The following ATP9A variants were observed in gnomAD, a reference collection of about 807,000 sequenced individuals.
ATP9A encodes the protein probable phospholipid-transporting ATPase IIA.
A neutral mutation model predicts 144.1 loss-of-function variants in ATP9A; 52 were observed. The ratio of observed to expected loss-of-function variants is 0.36; its 90% CI spans 0.29 to 0.45. The LOEUF is 0.45. Ranked by LOEUF, ATP9A falls within the 20% of genes least tolerant of loss-of-function variation. The probability of loss-of-function intolerance (pLI) is 1.00; values close to 1 mark genes in which losing one functional copy is unlikely to be tolerated. For missense variants in ATP9A, 947 were observed against 1,392.7 expected (o/e 0.68, Z 5.09); for synonymous variants, 582 against 557.4 (o/e 1.04, Z -0.62).
chr20:51,627,716 T>C, intron 16 of ATP9A, 33 bp from the exon 17 acceptor site: 1 of 1,580,424 alleles, frequency 6.3e-7, no homozygotes, highest in Non-Finnish European at 8.7e-7. Flanking sequence ...GTGGGAGCGG[T>C]GCTGAGAGCT....
chr20:51,615,097 G>A (rs543006700), intron 22 of ATP9A, among the ~76,000 whole-genome samples: 199 of 134,226 alleles, frequency 1.5e-3, no homozygotes, highest in Non-Finnish European at 2.1e-3. Flanking sequence ...CTGGGGGGGC[G>A]GGGCGGGGGG....
At chr20:51,690,168 C>T (rs1460778277) in intron 8 of ATP9A, among the ~76,000 whole-genome samples, 1 of 140,614 alleles carries the variant, frequency 7.1e-6, no homozygotes, top group African/African-American at 2.6e-5. Context: ...TGCCTGTAAT[C>T]CCAGCACTTT....
At chr20:51,653,005 G>A (rs1387812339) in intron 14 of ATP9A, among the ~76,000 whole-genome samples, 20 of 151,704 alleles carry the variant, frequency 1.3e-4, no homozygotes, top group African/African-American at 4.1e-4. Context: ...AGCTGCTGGG[G>A]AGACTGAGGC....
chr20:51,646,770 GAAAC>G (rs2077343906), intron 14 of ATP9A, among the ~76,000 whole-genome samples: 4 of 151,618 alleles, frequency 2.6e-5, no homozygotes, highest in African/African-American at 9.7e-5. Flanking sequence ...AACATAGCAT[GAAAC>G]AAACAAAACA....
chr20:51,717,976 AG>A (rs1384818914), intron 3 of ATP9A, among the ~76,000 whole-genome samples: 1 of 151,892 alleles, frequency 6.6e-6, no homozygotes, highest in African/African-American at 2.4e-5. Context: ...AAGAAAGAAA[AG>A]GAAAAATGTA....
chr20:51,703,878 CA>C (rs1345412023), intron 4 of ATP9A, among the ~76,000 whole-genome samples: 1 of 152,108 alleles, frequency 6.6e-6, no homozygotes, highest in Non-Finnish European at 1.5e-5. Context: ...TCTCTAACAA[CA>C]ATCTCCATGC....
At chr20:51,667,459 C>T (rs1347296979) in intron 13 of ATP9A, among the ~76,000 whole-genome samples, 1 of 152,174 alleles carries the variant, frequency 6.6e-6, no homozygotes. Context: ...AATGAGCCCC[C>T]CAAGAAGGAG....
chr20:51,731,212 G>A (rs886771244), intron 1 of ATP9A, among the ~76,000 whole-genome samples: 1 of 151,964 alleles, frequency 6.6e-6, no homozygotes, highest in Non-Finnish European at 1.5e-5. Context: ...GCTGAGGCAG[G>A]AGAATCGCTT....
Position 51,725,951 on chromosome 20 carries a change from A to G in ATP9A, c.214-19T>C, listed in dbSNP as rs781657298. The G allele has an allele frequency of 6.6e-6, 9 of 1,373,386 alleles. No homozygotes were observed. In the African/African-American group the frequency reaches 1.3e-4, roughly 20 times the overall value. The allele number at this position is 1,373,386 out of a possible 1,614,324, so 85.1% of individuals were successfully genotyped here. On this transcript the variant is annotated intron_variant, in intron 2 of 27. Coordinates refer to ENST00000338821, the MANE Select transcript of ATP9A (RefSeq NM_006045.3). ...ACAGCACCTGGAATGGAGGGAGACA[A>G]CAGAGAAAGACATTCAGGGCTTGTC...
Position 51,657,159 on chromosome 20 carries a change from A to T in ATP9A, c.1294-9T>A. 3.1e-6 allele frequency: 5 copies of T among 1,607,684 alleles called. No individual in the cohort carries two copies. The highest frequency in any genetic ancestry group is 4.3e-6 in the Non-Finnish European group (5 of 1,174,426). On this transcript the variant is annotated splice_polypyrimidine_tract_variant and intron_variant, in intron 13 of 27. Transcript: ENST00000338821. ...GGTGGGTCCTGGGATTGCTACAGGA[A>T]GGAGAAATGAACAAGGAAGATGACC...
rs1042262609 is a variant in ATP9A, at chr20:51,599,192, G to A, written c.*2019C>T. 1.3e-5 allele frequency: 2 copies of A among 152,212 alleles called. No homozygotes were observed. Among genetic ancestry groups the A allele is most frequent in the African/African-American group, 4.8e-5 (2 of 41,454 alleles). The allele number at this position is 152,212 out of a possible 1,614,324, so 9.4% of individuals were successfully genotyped here. ...CCAGCATCCCGAATCTCCGAGCAAA[G>A]CCAGGTACAGGGTTTGCAAAGTCTA... On this transcript the variant is annotated 3_prime_UTR_variant, in exon 28 of 28. Transcript: ENST00000338821.
intron 18 of ATP9A, among the ~76,000 whole-genome samples, chr20:51,624,079 G>A (rs1051542098): frequency 4.6e-5 from 7 of 152,220 alleles, no homozygotes; most frequent in South Asian, 4.1e-4. Flanking sequence ...CAGACCCCAC[G>A]ATGAAGCAGA....
Position 51,729,682 on chromosome 20 carries a change from T to A in ATP9A, c.213+152A>T, listed in dbSNP as rs773100164. ...ATCGCTTGAACTCAGGAGGCGGAGG[T>A]TGCAGTGAGCCAAGATTGCGCCACT... On this transcript the variant is annotated intron_variant, in intron 2 of 27. Transcript: ENST00000338821. 8.5e-5 allele frequency: 66 copies of A among 772,418 alleles called. 2 individuals carry two copies. The Middle Eastern group carries it at 1.8e-3, about 21-fold the overall frequency. The allele number at this position is 772,418 out of a possible 1,614,324, so 47.8% of individuals were successfully genotyped here.
In ATP9A at chr20:51,644,387, C is replaced by T. The variant is rs140726633; in HGVS notation, c.1507-4883G>A. On this transcript the variant is annotated intron_variant, in intron 14 of 27. Coordinates refer to ENST00000338821, the MANE Select transcript of ATP9A (RefSeq NM_006045.3). ...TCCTGGGTTCATGCCATTCTCCTGC[C>T]TCAGCCTCCCAAGTAGCTGGTGCCC... Among the ~76,000 whole-genome samples, 1,442 of 150,090 alleles carry T rather than the reference C, an allele frequency of 9.6e-3. 26 individuals carry two copies. The highest frequency in any genetic ancestry group is 0.033 in the African/African-American group (1,365 of 40,812).
chr20:51,735,315 T>C (rs2077758654), intron 1 of ATP9A, among the ~76,000 whole-genome samples: 1 of 151,902 alleles, frequency 6.6e-6, no homozygotes, highest in African/African-American at 2.4e-5. Context: ...CAAGAGGACA[T>C]ACATGCAGGG....
chr20:51,613,920 G>GATTT, intron 22 of ATP9A, 88 bp from the exon 23 acceptor site: 1 of 1,365,408 alleles, frequency 7.3e-7, no homozygotes, highest in Non-Finnish European at 9.8e-7. Flanking sequence ...AGACATTGTA[G>GATTT]GAAATCTTTG....
intron 14 of ATP9A, among the ~76,000 whole-genome samples, chr20:51,652,377 T>C (rs763944382): frequency 2.0e-5 from 3 of 152,274 alleles, no homozygotes; most frequent in Admixed American, 6.5e-5. Flanking sequence ...AAATGAATCC[T>C]ACGCCAACTG....
intron 1 of ATP9A, among the ~76,000 whole-genome samples, chr20:51,747,098 G>GTTTTTTTTTT (rs11467381): frequency 7.2e-6 from 1 of 138,690 alleles, no homozygotes; most frequent in Non-Finnish European, 1.5e-5. Context: ...TGGGTTTTTC[G>GTTTTTTTTTT]TTTTTTTTTT....
Position 51,658,897 on chromosome 20 carries a change from G to C in ATP9A, c.1294-1747C>G, listed in dbSNP as rs867903968. On this transcript the variant is annotated intron_variant, in intron 13 of 27. Coordinates refer to ENST00000338821, the MANE Select transcript of ATP9A (RefSeq NM_006045.3). The stretch of plus-strand genomic sequence containing the variant: ...AAATTAAGACCACTGGCGGGGGGGG[G>C]GGGGGGAAGGCTCATTGTTGAACAC... 2.1e-3 allele frequency among the ~76,000 whole-genome samples: 284 copies of C among 133,548 alleles called. 76 individuals carry two copies. The highest frequency in any genetic ancestry group is 8.2e-3 in the African/African-American group (275 of 33,640). 87.6% of individuals were successfully genotyped at this position (133,548 alleles called of 152,430 possible). A position where few individuals can be genotyped will look rare whatever the true frequency, so the allele number is the denominator to read the frequency against.
Sources: gnomAD v4.1 joint callset for allele counts (sites outside exome capture counted in the v4.1 genomes callset) on GRCh38, gnomAD v4.1.1 for gene constraint, MANE v1.5 for transcripts, NCBI Gene and HGNC (gene_info 2026-07-23, HGNC 2026-07-21) for gene names.